STPG2: variants seen among roughly 807,000 people sequenced by gnomAD.
STPG2 encodes sperm tail PG-rich repeat containing 2, also known as sperm-tail PG-rich repeat-containing protein 2.
STPG2 carries 56 observed loss-of-function variants against 54.2 expected under a neutral mutation model. The observed-to-expected ratio is 1.03, with a 90% CI of 0.83 to 1.29. The LOEUF is 1.29. STPG2 is among the 50% of genes most tolerant of loss of function. STPG2 has a pLI of 0.00. For synonymous variants in STPG2, 200 were observed against 181.8 expected (o/e 1.10, Z -0.81); for missense variants, 596 against 544.9 (o/e 1.09, Z -0.93).
chr4:97,654,921 C>G, intron 10 of STPG2, among the ~76,000 whole-genome samples: 1 of 151,980 alleles, frequency 6.6e-6, no homozygotes, highest in South Asian at 2.1e-4. Context: ...CATGATTTAT[C>G]ATTGTCACCA....
chr4:97,660,603 G>A (rs1017024413), intron 10 of STPG2, among the ~76,000 whole-genome samples: 2 of 152,112 alleles, frequency 1.3e-5, no homozygotes, highest in African/African-American at 4.8e-5. Flanking sequence ...TCCAGATCTA[G>A]GATTTTTGCT....
At chr4:97,849,495 G>C (rs1378208794) in intron 8 of STPG2, among the ~76,000 whole-genome samples, 2 of 151,760 alleles carry the variant, frequency 1.3e-5, no homozygotes, top group Non-Finnish European at 2.9e-5. Context: ...CCTACAACAT[G>C]GGAGAAAATT....
chr4:98,004,248 GTGTC>G (rs746529933), intron 5 of STPG2, among the ~76,000 whole-genome samples: 1 of 152,062 alleles, frequency 6.6e-6, no homozygotes, highest in Non-Finnish European at 1.5e-5. Context: ...GCATCTTTCT[GTGTC>G]TGTCTTATTT....
chr4:97,594,938 A>C (rs923482330), intron 10 of STPG2, among the ~76,000 whole-genome samples: 5 of 152,216 alleles, frequency 3.3e-5, no homozygotes, highest in Non-Finnish European at 7.3e-5. Flanking sequence ...ATCATTAAAA[A>C]GTCAGGAAAC....
At chr4:97,794,877 A>G (rs1362159482) in intron 9 of STPG2, among the ~76,000 whole-genome samples, 2 of 152,156 alleles carry the variant, frequency 1.3e-5, no homozygotes, top group African/African-American at 4.8e-5. Flanking sequence ...TTCAACTACA[A>G]CAGTGCACTA....
At chr4:97,843,821 T>C (rs887235529) in intron 8 of STPG2, among the ~76,000 whole-genome samples, 3 of 151,898 alleles carry the variant, frequency 2.0e-5, no homozygotes, top group African/African-American at 7.2e-5. Flanking sequence ...AAAGTCTCTA[T>C]AAAATTCTAC....
At chr4:97,888,088 A>G (rs1730644238) in intron 8 of STPG2, among the ~76,000 whole-genome samples, 1 of 152,218 alleles carries the variant, frequency 6.6e-6, no homozygotes, top group Admixed American at 6.5e-5. Flanking sequence ...TATATGGAAA[A>G]GCCCTGGTGT....
chr4:97,787,602 A>G (rs921555382), intron 9 of STPG2, among the ~76,000 whole-genome samples: 6 of 152,008 alleles, frequency 3.9e-5, no homozygotes, highest in Admixed American at 2.0e-4. Flanking sequence ...ATCTATCTGT[A>G]TGGCTTTATT....
chr4:97,962,569 A>G (rs1733928857), intron 7 of STPG2, among the ~76,000 whole-genome samples: 1 of 152,196 alleles, frequency 6.6e-6, no homozygotes, highest in African/African-American at 2.4e-5. Context: ...CAAATATTCT[A>G]TAAACTGAGT....
At chr4:97,947,519 T>C (rs1485656900) in intron 7 of STPG2, among the ~76,000 whole-genome samples, 1 of 152,146 alleles carries the variant, frequency 6.6e-6, no homozygotes, top group Admixed American at 6.6e-5. Context: ...TTTTCCTCAT[T>C]CAATATAATG....
At chr4:97,649,573 G>A (rs1722007830) in intron 10 of STPG2, among the ~76,000 whole-genome samples, 3 of 152,166 alleles carry the variant, frequency 2.0e-5, no homozygotes, top group Admixed American at 6.5e-5. Flanking sequence ...GGCTTTGCCT[G>A]CAGATGAGGA....
intron 8 of STPG2, among the ~76,000 whole-genome samples, chr4:97,867,394 T>C (rs1036712122): frequency 1.3e-5 from 2 of 151,968 alleles, no homozygotes; most frequent in Non-Finnish European, 2.9e-5. Context: ...TCAGATATAA[T>C]CTCTGCCAAA....
chr4:97,887,144 C>G (rs186905369), intron 8 of STPG2, among the ~76,000 whole-genome samples: 2 of 152,186 alleles, frequency 1.3e-5, no homozygotes, highest in Admixed American at 6.5e-5. Flanking sequence ...CAGACCAATA[C>G]AGAAAATTGG....
At chr4:97,514,740 G>A (rs1298527126) in intron 4 of STPG2, among the ~76,000 whole-genome samples, 2 of 151,444 alleles carry the variant, frequency 1.3e-5, no homozygotes, top group Admixed American at 1.3e-4. Context: ...TTTTTTTTCA[G>A]CCTTCAATTA....
chr4:97,538,917 C>A (rs1010457333), intron 4 of STPG2, among the ~76,000 whole-genome samples: 3 of 152,126 alleles, frequency 2.0e-5, no homozygotes, highest in African/African-American at 7.2e-5. Context: ...AATTTTCAAC[C>A]CAGAATTTCA....
At chr4:97,619,253 G>A (rs545909000) in intron 10 of STPG2, among the ~76,000 whole-genome samples, 28 of 151,960 alleles carry the variant, frequency 1.8e-4, no homozygotes, top group African/African-American at 4.6e-4. Context: ...GTGTGTGTGT[G>A]TATATCTATA....
At chr4:97,564,777 C>T (rs899468789) in intron 10 of STPG2, among the ~76,000 whole-genome samples, 8 of 152,192 alleles carry the variant, frequency 5.3e-5, no homozygotes, top group Non-Finnish European at 1.0e-4. Flanking sequence ...TCTCTACTGG[C>T]TTGTAGAGTT....
intron 9 of STPG2, among the ~76,000 whole-genome samples, chr4:97,740,286 C>T (rs1049243761): frequency 2.0e-5 from 3 of 152,180 alleles, no homozygotes; most frequent in African/African-American, 4.8e-5. Flanking sequence ...TGGAAGCATT[C>T]CCTTTGAAAA....
intron 10 of STPG2, among the ~76,000 whole-genome samples, chr4:97,690,834 G>A (rs1298109328): frequency 6.6e-6 from 1 of 152,116 alleles, no homozygotes; most frequent in African/African-American, 2.4e-5. Flanking sequence ...GAAAAACTGT[G>A]AGTAGAAGAA....
Sources: gnomAD v4.1 joint callset for allele counts (sites outside exome capture counted in the v4.1 genomes callset) on GRCh38, gnomAD v4.1.1 for gene constraint, MANE v1.5 for transcripts, NCBI Gene and HGNC (gene_info 2026-07-23, HGNC 2026-07-21) for gene names.